The following LMTK2 variants were observed in gnomAD, a reference collection of about 807,000 sequenced individuals.
LMTK2 encodes the protein lemur tail kinase 2.
A neutral mutation model predicts 127.5 loss-of-function variants in LMTK2; 37 were observed. That is an observed-to-expected ratio of 0.29 (90% CI 0.22 to 0.38). The LOEUF (loss-of-function observed/expected upper bound fraction) is 0.38, where lower values mean the gene tolerates loss of function less well. LMTK2 is among the 10% of genes least tolerant of loss of function. LMTK2 has a pLI of 1.00. For missense variants in LMTK2, 1,694 were observed against 1,920.3 expected (o/e 0.88, Z 2.20); for synonymous variants, 819 against 810.1 (o/e 1.01, Z -0.19).
In LMTK2 at chr7:98,109,743, CA is replaced by C. The variant is rs1156337163; in HGVS notation, c.103+2483del. ...TGGGCAACAGAGTGAGACTCCGTCT[CA>C]AAAAAAAAAAAAAAAAAAAGAAAGG... On this transcript the variant is annotated intron_variant, in intron 1 of 13. Coordinates refer to ENST00000297293, the MANE Select transcript of LMTK2 (RefSeq NM_014916.4). Among the ~76,000 whole-genome samples, 366 of 53,306 alleles carry C rather than the reference CA, an allele frequency of 6.9e-3. 2 individuals carry two copies. The highest frequency in any genetic ancestry group is 0.019 in the African/African-American group (282 of 14,490). The allele number at this position is 53,306 out of a possible 152,430, so 35.0% of individuals were successfully genotyped here.
chr7:98,165,914 G>C (rs1182349040), intron 6 of LMTK2, among the ~76,000 whole-genome samples: 1 of 152,142 alleles, frequency 6.6e-6, no homozygotes, highest in African/African-American at 2.4e-5. Flanking sequence ...GCCAGCAGAG[G>C]GGAGGCCTGT....
In LMTK2 at chr7:98,205,727, C is replaced by CG. The variant is rs1376385800; in HGVS notation, c.*236dup. On this transcript the variant is annotated 3_prime_UTR_variant, in exon 14 of 14. Coordinates refer to ENST00000297293, the MANE Select transcript of LMTK2 (RefSeq NM_014916.4). ...GGCGTCCCTCAGTGCCCCGTGCACCCGCGGCCGCGGCCTCCCAGGCAGTGC... is the reference window on the plus strand; with the variant it reads ...GGCGTCCCTCAGTGCCCCGTGCACCCGGCGGCCGCGGCCTCCCAGGCAGTGC... 7 of 579,964 alleles carry CG rather than the reference C, an allele frequency of 1.2e-5. No homozygotes were observed. The highest frequency in any genetic ancestry group is 1.0e-4 in the South Asian group (5 of 49,424). 35.9% of individuals were successfully genotyped at this position (579,964 alleles called of 1,614,324 possible). A position where few individuals can be genotyped will look rare whatever the true frequency, so the allele number is the denominator to read the frequency against.
intron 1 of LMTK2, among the ~76,000 whole-genome samples, chr7:98,122,108 T>G (rs371444392): frequency 3.6e-4 from 55 of 152,338 alleles, no homozygotes; most frequent in African/African-American, 1.2e-3. Flanking sequence ...TTTTAAGAAG[T>G]GTAATCATAA....
At chr7:98,118,734 G>A (rs1354203021) in intron 1 of LMTK2, among the ~76,000 whole-genome samples, 1 of 152,120 alleles carries the variant, frequency 6.6e-6, no homozygotes, top group Non-Finnish European at 1.5e-5. Context: ...AATGCTTCAG[G>A]AAGAAGTAAG....
At chr7:98,166,267 C>G (rs915457570) in intron 6 of LMTK2, among the ~76,000 whole-genome samples, 1 of 152,252 alleles carries the variant, frequency 6.6e-6, no homozygotes, top group Non-Finnish European at 1.5e-5. Flanking sequence ...CTGCTTATAA[C>G]CAAGGTGTGC....
intron 1 of LMTK2, among the ~76,000 whole-genome samples, chr7:98,130,908 G>A (rs1302232817): frequency 6.6e-6 from 1 of 152,214 alleles, no homozygotes; most frequent in East Asian, 1.9e-4. Context: ...CATATCAAGA[G>A]TAGGCAAGAA....
At chr7:98,168,321 T>C (rs1243407886) in intron 6 of LMTK2, among the ~76,000 whole-genome samples, 1 of 152,054 alleles carries the variant, frequency 6.6e-6, no homozygotes. Context: ...TGGATGCCAG[T>C]GGGCGGGGGG....
At chr7:98,169,621 T>G (rs1433417129) in intron 6 of LMTK2, among the ~76,000 whole-genome samples, 4 of 152,168 alleles carry the variant, frequency 2.6e-5, no homozygotes, top group Non-Finnish European at 5.9e-5. Flanking sequence ...TAGATAGACT[T>G]AAGCTTTTTT....
chr7:98,143,400 G>T (rs1796725998), intron 3 of LMTK2, among the ~76,000 whole-genome samples: 2 of 151,974 alleles, frequency 1.3e-5, no homozygotes. Flanking sequence ...TGACAGAGTC[G>T]CAAAAAATAT....
chr7:98,193,978 C>G lies in LMTK2; in HGVS notation c.3513C>G (p.Ser1171=). Residue 1171 remains serine, a synonymous_variant, in exon 11 of 14, where the codon TCC becomes TCG. Coordinates refer to ENST00000297293, the MANE Select transcript of LMTK2 (RefSeq NM_014916.4). This position sits in a 1 kb window ranked among gnomAD's most constrained non-coding sequence, Gnocchi z 4.1. ...DESCLSALHN[S]SDLELRATPE... is the part of the protein sequence containing the mutation. ...GTTGTCTGTCTGCTTTGCACAACTCCAGTGACCTGGAATTAAGAGCCACGC... is the reference window on the plus strand; with the variant it reads ...GTTGTCTGTCTGCTTTGCACAACTCGAGTGACCTGGAATTAAGAGCCACGC... 1 of 1,614,096 alleles carries G rather than the reference C, an allele frequency of 6.2e-7. No homozygotes were observed. Among genetic ancestry groups the G allele is most frequent in the Non-Finnish European group, 8.5e-7 (1 of 1,180,054 alleles).
chr7:98,144,134 A>G (rs1435605241), intron 3 of LMTK2, among the ~76,000 whole-genome samples: 2 of 152,170 alleles, frequency 1.3e-5, no homozygotes, highest in Non-Finnish European at 2.9e-5. Context: ...ACATTACAAA[A>G]AATATATATG....
At chr7:98,143,787 T>C (rs1796731186) in intron 3 of LMTK2, among the ~76,000 whole-genome samples, 2 of 152,224 alleles carry the variant, frequency 1.3e-5, no homozygotes, top group Non-Finnish European at 2.9e-5. Context: ...TAGTAATTTA[T>C]CTTTAGGAAC....
At position 98,118,786 on chromosome 7, in the gene LMTK2, A is replaced by C. The variant is rs1584244103; in HGVS notation, c.103+11506A>C. 2.0e-5 allele frequency among the ~76,000 whole-genome samples: 3 copies of C among 152,292 alleles called. No homozygotes were observed. The East Asian group carries it at 5.8e-4, about 29-fold the overall frequency. ...AGGATGGCTTGCGTGCAGATCACCT[A>C]GGTATTTGTAGAAATGCAGATTTTG... is the stretch of plus-strand genomic sequence containing the variant. On this transcript the variant is annotated intron_variant, in intron 1 of 13. Coordinates refer to ENST00000297293, the MANE Select transcript of LMTK2 (RefSeq NM_014916.4).
chr7:98,155,767 C>CTCT (rs1426701844), intron 5 of LMTK2, among the ~76,000 whole-genome samples: 1 of 151,384 alleles, frequency 6.6e-6, no homozygotes, highest in Non-Finnish European at 1.5e-5. Context: ...GCAAACCTGC[C>CTCT]TTAGAAGAAT....
intron 2 of LMTK2, among the ~76,000 whole-genome samples, chr7:98,138,296 G>A (rs902378654): frequency 1.3e-5 from 2 of 152,210 alleles, no homozygotes; most frequent in Non-Finnish European, 2.9e-5. Context: ...AAAAAAGGTC[G>A]TCTTCTGGCT....
At chr7:98,161,246 T>C (rs1375639491) in intron 6 of LMTK2, among the ~76,000 whole-genome samples, 1 of 152,228 alleles carries the variant, frequency 6.6e-6, no homozygotes, top group Non-Finnish European at 1.5e-5. Context: ...TCTTAATTTT[T>C]TGTGTGGTCG....
At chr7:98,144,520 C>G (rs1156782359) in intron 3 of LMTK2, among the ~76,000 whole-genome samples, 1 of 151,968 alleles carries the variant, frequency 6.6e-6, no homozygotes, top group Non-Finnish European at 1.5e-5. Flanking sequence ...CTGCTGGCTT[C>G]CCTAAGTAAC....
Position 98,203,594 on chromosome 7 carries a change from G to A in LMTK2, c.4128G>A (p.Leu1376=), listed in dbSNP as rs372562991. ...LFDQETPTKE[L]GPCGGEACGP... is the part of the protein sequence containing the mutation. ...TTCAGGAGACCCCAACCAAAGAGCT[G>A]GGGCCCTGTGGAGGAGAGGCGTGCG... The change falls in exon 12 of 14, where the codon CTG becomes CTA. Residue 1376 remains leucine (L), a synonymous_variant. Coordinates refer to ENST00000297293, the MANE Select transcript of LMTK2 (RefSeq NM_014916.4). 1 of 1,598,336 alleles carries A rather than the reference G, an allele frequency of 6.3e-7. No homozygotes were observed. The highest frequency in any genetic ancestry group is 8.5e-7 in the Non-Finnish European group (1 of 1,175,786).
chr7:98,200,929 G>A (rs1270580090), intron 11 of LMTK2, among the ~76,000 whole-genome samples: 1 of 152,056 alleles, frequency 6.6e-6, no homozygotes, highest in Non-Finnish European at 1.5e-5. Flanking sequence ...GATCTGGAGG[G>A]CCTCCTGTCC....
Sources: gnomAD v4.1 joint callset for allele counts (sites outside exome capture counted in the v4.1 genomes callset) on GRCh38, gnomAD v4.1.1 for gene constraint, Gnocchi (gnomAD v3.1) non-coding constraint, MANE v1.5 for transcripts, NCBI Gene and HGNC (gene_info 2026-07-23, HGNC 2026-07-21) for gene names.